The following SGCD variants were observed in gnomAD, a reference collection of about 807,000 sequenced individuals.
SGCD encodes the protein delta-sarcoglycan.
In SGCD, 18 loss-of-function variants were observed where a neutral mutation model predicts 36.6. The observed-to-expected ratio is 0.49, with a 90% confidence interval of 0.34 to 0.73. The LOEUF (loss-of-function observed/expected upper bound fraction) is 0.73. Ranked by LOEUF, SGCD falls within the 30% of genes least tolerant of loss-of-function variation. The probability of loss-of-function intolerance (pLI) is 0.01; values close to 1 mark genes in which losing one functional copy is unlikely to be tolerated. For missense variants in SGCD, 387 were observed against 346.7 expected (o/e 1.12, Z -0.92); for synonymous variants, 133 against 130.6 (o/e 1.02, Z -0.12).
intron 3 of SGCD, among the ~76,000 whole-genome samples, chr5:156,263,978 GAT>G (rs1765936420): frequency 1.3e-5 from 2 of 151,846 alleles, no homozygotes; most frequent in South Asian, 4.1e-4. Context: ...CAAATTTTAA[GAT>G]ATGTCTTTTG....
intron 1 of SGCD, among the ~76,000 whole-genome samples, chr5:155,991,379 C>T (rs1581030752): frequency 1.3e-5 from 2 of 152,180 alleles, no homozygotes; most frequent in Admixed American, 1.3e-4. Context: ...TCTCAAGTAC[C>T]GAGCTGTTTC....
At position 156,716,178 on chromosome 5, in the gene SGCD, C is replaced by T. The variant is rs139737345; in HGVS notation, c.576-41403C>T. ...CCTGACATAAAATTCTGCTAGGATGCACTAACTTTGATGTTGATGATAAAA... is the reference window on the plus strand; with the variant it reads ...CCTGACATAAAATTCTGCTAGGATGTACTAACTTTGATGTTGATGATAAAA... On this transcript the variant is annotated intron_variant, in intron 7 of 8. Transcript: ENST00000337851. Among the ~76,000 whole-genome samples the T allele has an allele frequency of 8.5e-4, 129 of 152,278 alleles. No homozygotes were observed. The South Asian group carries it at 8.5e-3, about 10-fold the overall frequency.
At chr5:156,406,790 T>TTATATATTTATATA (rs1772433655) in intron 3 of SGCD, among the ~76,000 whole-genome samples, 4 of 75,664 alleles carry the variant, frequency 5.3e-5, no homozygotes, top group Non-Finnish European at 1.0e-4. Context: ...ATAGGAGATT[T>TTATATATTTATATA]TATATATATA....
chr5:156,344,772 G>T (rs1768862909), intron 3 of SGCD, 95 bp downstream of exon 3: 2 of 905,270 alleles, frequency 2.2e-6, no homozygotes, highest in Middle Eastern at 2.2e-4. Flanking sequence ...TATTATTACA[G>T]TAGGACTCAA....
At chr5:155,754,138 A>G in the SGCD span, among the ~76,000 whole-genome samples, 225 of 152,300 alleles carry the variant, frequency 1.5e-3, 2 homozygotes, top group Non-Finnish European at 2.6e-3. Context: ...TATCATTTGG[A>G]GTCCTGAATT....
At chr5:156,646,393 G>A (rs1003611448) in intron 6 of SGCD, among the ~76,000 whole-genome samples, 1 of 152,110 alleles carries the variant, frequency 6.6e-6, no homozygotes, top group Non-Finnish European at 1.5e-5. Flanking sequence ...AGTACCATTT[G>A]GAAATGAGTC....
chr5:156,261,207 T>C (rs918348826), intron 3 of SGCD, among the ~76,000 whole-genome samples: 5 of 152,196 alleles, frequency 3.3e-5, no homozygotes, highest in African/African-American at 1.2e-4. Context: ...TGAGTTTCTA[T>C]AGTATTAAGA....
intron 4 of SGCD, among the ~76,000 whole-genome samples, chr5:156,561,151 C>T (rs1181023446): frequency 6.6e-6 from 1 of 152,184 alleles, no homozygotes; most frequent in Admixed American, 6.6e-5. Flanking sequence ...CCACACAGAG[C>T]ATATCACTCT....
chr5:156,338,371 C>A (rs1352857132), intron 2 of SGCD, among the ~76,000 whole-genome samples: 2 of 152,194 alleles, frequency 1.3e-5, no homozygotes, highest in Non-Finnish European at 2.9e-5. Context: ...CTTAGCCTCA[C>A]AAAGCGGACC....
chr5:156,620,673 CAG>C (rs1762209765), intron 6 of SGCD, among the ~76,000 whole-genome samples: 1 of 152,174 alleles, frequency 6.6e-6, no homozygotes, highest in Non-Finnish European at 1.5e-5. Flanking sequence ...GCAGCAAGAA[CAG>C]GGACTATGGT....
At chr5:155,986,028 C>T (rs1581027931) in intron 1 of SGCD, among the ~76,000 whole-genome samples, 1 of 152,068 alleles carries the variant, frequency 6.6e-6, no homozygotes, top group Middle Eastern at 3.4e-3. Context: ...GTCGAGGCAC[C>T]CCAGGAGAGG....
chr5:155,978,389 G>T lies in SGCD; in HGVS notation c.-282+107965G>T, dbSNP rs1350038331. Among the ~76,000 whole-genome samples, 2 of 152,190 alleles carry T rather than the reference G, an allele frequency of 1.3e-5. 1 individual carries two copies. Among genetic ancestry groups the T allele is most frequent in the South Asian group, 4.1e-4 (2 of 4,826 alleles). On this transcript the variant is annotated intron_variant, in intron 1 of 9. Coordinates refer to the SGCD transcript ENST00000517913. ...AGGGTGGGAGGGAAAAGAATAAAAG[G>T]AAAAATATTTTGAAAACACCTGGCT...
chr5:156,431,873 G>A (rs577124332), intron 3 of SGCD, among the ~76,000 whole-genome samples: 3 of 152,022 alleles, frequency 2.0e-5, no homozygotes, highest in Non-Finnish European at 4.4e-5. Context: ...GCACCACCAT[G>A]CCCAGCTAAT....
At chr5:156,042,203 G>C (rs922641339) in intron 1 of SGCD, among the ~76,000 whole-genome samples, 1 of 148,352 alleles carries the variant, frequency 6.7e-6, no homozygotes, top group Non-Finnish European at 1.5e-5. Flanking sequence ...TTTTTTTGTC[G>C]ATAGAAGAAA....
chr5:155,853,503 A>G, the SGCD span, among the ~76,000 whole-genome samples: 1 of 152,114 alleles, frequency 6.6e-6, no homozygotes, highest in Admixed American at 6.6e-5. Flanking sequence ...ACCTTTCAAT[A>G]GTTAGGAGTA....
intron 3 of SGCD, among the ~76,000 whole-genome samples, chr5:156,266,200 A>G (rs946453655): frequency 2.0e-5 from 3 of 152,238 alleles, no homozygotes; most frequent in African/African-American, 7.2e-5. Flanking sequence ...GTAGTGCTGG[A>G]TAGGCTATTG....
At chr5:155,942,373 CT>C (rs1757346634) in intron 1 of SGCD, among the ~76,000 whole-genome samples, 1 of 69,698 alleles carries the variant, frequency 1.4e-5, no homozygotes, top group African/African-American at 4.9e-5. Flanking sequence ...TATTGTCTGC[CT>C]ACCTACCTAA....
intron 3 of SGCD, among the ~76,000 whole-genome samples, chr5:156,299,266 T>C (rs550310692): frequency 5.3e-4 from 81 of 152,280 alleles, no homozygotes; most frequent in Admixed American, 5.0e-3. Flanking sequence ...ATGGATTTAT[T>C]TGGGGGTCCT....
At position 155,935,610 on chromosome 5, in the gene SGCD, G is replaced by A. The variant is rs76958533; in HGVS notation, c.-282+65186G>A. ...GCCAGTTAATTAAGGAGTAAGGTGAGGAGCATGCAGGCAAGGGAATAGCTA... is the reference window on the plus strand; with the variant it reads ...GCCAGTTAATTAAGGAGTAAGGTGAAGAGCATGCAGGCAAGGGAATAGCTA... On this transcript the variant is annotated intron_variant, in intron 1 of 9. Coordinates refer to the SGCD transcript ENST00000517913. Among the ~76,000 whole-genome samples, 307 of 152,330 alleles carry A rather than the reference G, an allele frequency of 2.0e-3. 1 individual carries two copies. Among genetic ancestry groups the A allele is most frequent in the African/African-American group, 7.1e-3 (294 of 41,566 alleles).
Sources: allele counts gnomAD v4.1 joint callset (sites outside exome capture counted in the v4.1 genomes callset), GRCh38; gene constraint gnomAD v4.1.1; transcripts MANE v1.5; gene names NCBI Gene and HGNC (gene_info 2026-07-23, HGNC 2026-07-21).